Variants in NASP observed in about 807,000 individuals in gnomAD.
NASP encodes the protein nuclear autoantigenic sperm protein, also known as NASP histone chaperone.
In NASP, 24 loss-of-function variants were observed where a neutral mutation model predicts 89.5. The ratio of observed to expected loss-of-function variants is 0.27; its 90% CI spans 0.19 to 0.38. NASP has a LOEUF of 0.38. Among genes scored for constraint, NASP ranks in the 10% least tolerant of loss-of-function variants. The pLI is 1.00. For synonymous variants in NASP, 306 were observed against 324.7 expected (o/e 0.94, Z 0.62); for missense variants, 848 against 921.4 (o/e 0.92, Z 1.03).
chr1:45,602,113 A>G (rs1643862248), intron 2 of NASP, 142 bp from the exon 3 acceptor site: 1 of 959,248 alleles, frequency 1.0e-6, no homozygotes, highest in African/African-American at 1.7e-5. Flanking sequence ...TGATTTTGTG[A>G]TGGTAAATAA....
At chr1:45,586,583 C>T (rs1309709415) in intron 1 of NASP, among the ~76,000 whole-genome samples, 3 of 152,140 alleles carry the variant, frequency 2.0e-5, no homozygotes, top group Non-Finnish European at 4.4e-5. Flanking sequence ...GCCACCAAGC[C>T]TGGCTAGTAT....
Position 45,615,212 on chromosome 1 carries a change from A to T in NASP, c.1855+11A>T. 6.2e-7 allele frequency: 1 copy of T among 1,613,538 alleles called. No homozygotes were observed. The highest frequency in any genetic ancestry group is 8.5e-7 in the Non-Finnish European group (1 of 1,179,568). ...TTGAGAACAGAATGGGTGAGTGAAG[A>T]CGAGCTGCTTCATGGTGATGTTGGA... On this transcript the variant is annotated intron_variant, in intron 10 of 14. Coordinates refer to ENST00000350030, the MANE Select transcript of NASP (RefSeq NM_002482.4).
Position 45,607,646 on chromosome 1 carries a change from T to G in NASP, c.735T>G (p.Val245=), listed in dbSNP as rs137972558. 2.7e-5 allele frequency: 43 copies of G among 1,614,146 alleles called. No homozygotes were observed. The African/African-American group carries it at 4.8e-4, about 18-fold the overall frequency. The change falls in exon 6 of 15, where the codon GTT becomes GTG. Residue 245 remains valine (V), a synonymous_variant. Coordinates refer to ENST00000350030, the MANE Select transcript of NASP (RefSeq NM_002482.4). ...CAGATGCTGAGGAAGAAAAATCAGTTTCTGGAACTGATGTCCAAGAAGAGT... is the reference window on the plus strand; with the variant it reads ...CAGATGCTGAGGAAGAAAAATCAGTGTCTGGAACTGATGTCCAAGAAGAGT... The part of the protein sequence containing the change: ...EVPDAEEEKS[V]SGTDVQEECR...
intron 3 of NASP, among the ~76,000 whole-genome samples, chr1:45,603,521 A>G (rs1336772289): frequency 3.3e-5 from 5 of 151,110 alleles, no homozygotes; most frequent in African/African-American, 9.7e-5. Flanking sequence ...CTTTTGTCTG[A>G]TTCCTGTCCT....
rs1004451513 is a variant in NASP at position 45,608,010 on chromosome 1, C to T, written c.1099C>T (p.Pro367Ser). 6.2e-7 allele frequency: 1 copy of T among 1,614,030 alleles called. No individual in the cohort carries two copies. The highest frequency in any genetic ancestry group is 8.5e-7 in the Non-Finnish European group (1 of 1,179,942). The change falls in exon 6 of 15, where the codon CCT becomes TCT. Residue 367 changes from proline to serine, a missense_variant. Pro to Ser is a moderately conservative substitution (Grantham distance 74). Around this residue, in one of 5 missense-constraint regions of NASP, gnomAD observed 464 missense variants for 469.4 expected, o/e 0.99. Coordinates refer to ENST00000350030, the MANE Select transcript of NASP (RefSeq NM_002482.4). Reference sequence around the variant, plus strand: ...GGCTGGATCAGAAGTCTCTGAAAAGCCTGGGCAGGAGGCTCCAGTTCTCCC... The same window carrying T: ...GGCTGGATCAGAAGTCTCTGAAAAGTCTGGGCAGGAGGCTCCAGTTCTCCC... ...VEAGSEVSEK[P>S]GQEAPVLPKD...
At chr1:45,593,439 A>G (rs1289569629) in intron 2 of NASP, among the ~76,000 whole-genome samples, 1 of 151,502 alleles carries the variant, frequency 6.6e-6, no homozygotes, top group Admixed American at 6.6e-5. Flanking sequence ...AGGCTGAGGC[A>G]AGAGAATCAC....
chr1:45,587,687 T>TATATATATATA (rs66829841), intron 1 of NASP, among the ~76,000 whole-genome samples: 2 of 78,194 alleles, frequency 2.6e-5, no homozygotes, highest in African/African-American at 5.3e-5. Flanking sequence ...TATATATATA[T>TATATATATATA]AATTAATTTT....
intron 2 of NASP, among the ~76,000 whole-genome samples, chr1:45,596,385 C>G (rs1014976535): frequency 3.3e-5 from 5 of 152,168 alleles, no homozygotes; most frequent in Non-Finnish European, 7.3e-5. Flanking sequence ...TTCCCTAGCC[C>G]CTGGCAACCA....
intron 9 of NASP, 150 bp from the exon 10 acceptor site, chr1:45,614,863 A>G: frequency 1.4e-6 from 1 of 724,926 alleles, no homozygotes; most frequent in East Asian, 2.8e-5. Flanking sequence ...AGTCATTTTG[A>G]CTTTCTTTAT....
chr1:45,591,825 T>C (rs1643556984), intron 2 of NASP, among the ~76,000 whole-genome samples: 2 of 152,102 alleles, frequency 1.3e-5, no homozygotes, highest in African/African-American at 4.8e-5. Flanking sequence ...AGAGATTTCT[T>C]GTTTCATTTT....
rs1269115196 is a variant in NASP, at chr1:45,586,258, GTGTGTGTGTGTGTGTGTGTGTGTGTGGT to G, written c.59+2054_59+2081del. 2.2e-3 allele frequency among the ~76,000 whole-genome samples: 114 copies of G among 51,528 alleles called. 2 individuals are homozygous for G. The highest frequency in any genetic ancestry group is 5.0e-4 in the Non-Finnish European group (11 of 22,208). The allele number at this position is 51,528 out of a possible 152,430, so 33.8% of individuals were successfully genotyped here. On this transcript the variant is annotated intron_variant, in intron 1 of 14. Transcript: ENST00000350030. ...CCGTGCCGTGTGTGTGTGTGTGTGT[GTGTGTGTGTGTGTGTGTGTGTGTGTGGT>G]GTGTGTGTGTGTGTGTGTGTGTGGT... is the stretch of plus-strand genomic sequence containing the variant.
At chr1:45,591,867 C>CT (rs1319016710) in intron 2 of NASP, among the ~76,000 whole-genome samples, 1 of 152,258 alleles carries the variant, frequency 6.6e-6, no homozygotes, top group East Asian at 1.9e-4. Flanking sequence ...GTTGCCCAAG[C>CT]TGGAGTTCAG....
chr1:45,590,850 A>C (rs1200392749), intron 1 of NASP, among the ~76,000 whole-genome samples: 3 of 152,116 alleles, frequency 2.0e-5, no homozygotes, highest in Admixed American at 6.6e-5. Context: ...GGTCAGAATG[A>C]CCTCTTAATA....
rs565079725 is a variant in NASP, at chr1:45,584,833, G to A, written c.59+628G>A. ...GCAGGAGCTTTGGACTATCTCCGTG[G>A]GGCCGGCGAGGCTAGTTCCCCCCGA... is the stretch of plus-strand genomic sequence containing the variant. On this transcript the variant is annotated intron_variant, in intron 1 of 14. Transcript: ENST00000350030. Among the ~76,000 whole-genome samples the A allele has an allele frequency of 5.4e-4, 82 of 152,320 alleles. 1 individual carries two copies. The highest frequency in any genetic ancestry group is 1.9e-3 in the African/African-American group (77 of 41,580).
chr1:45,591,392 T>C, intron 2 of NASP, 122 bp downstream of exon 2: 1 of 694,878 alleles, frequency 1.4e-6, no homozygotes, highest in Non-Finnish European at 2.3e-6. Flanking sequence ...TGTCGCTTTG[T>C]TGCTCAGGCC....
chr1:45,596,926 T>C (rs571442302), intron 2 of NASP, among the ~76,000 whole-genome samples: 12 of 152,020 alleles, frequency 7.9e-5, no homozygotes, highest in African/African-American at 2.9e-4. Flanking sequence ...GAGGTTGCAG[T>C]GAGCTGAGAT....
chr1:45,584,126 G>C lies in NASP; in HGVS notation c.-21G>C. The C allele has an allele frequency of 6.3e-7, 1 of 1,580,792 alleles. No homozygotes were observed. The highest frequency in any genetic ancestry group is 8.6e-7 in the Non-Finnish European group (1 of 1,162,930). On this transcript the variant is annotated 5_prime_UTR_variant, in exon 1 of 15. Transcript: ENST00000350030. ...CTCGCAGGCTCTATTCCGTTCGCTG[G>C]TTCGCCACCTCAGGGGAACGATGGC...
chr1:45,584,245 C>G, intron 1 of NASP, 40 bp downstream of exon 1: 1 of 1,541,364 alleles, frequency 6.5e-7, no homozygotes, highest in African/African-American at 1.4e-5. Flanking sequence ...CTGGCCAGTC[C>G]GCGGGGAGGG....
intron 2 of NASP, chr1:45,594,818 C>T: frequency 2.6e-6 from 1 of 391,236 alleles, no homozygotes; most frequent in South Asian, 1.7e-5. Context: ...TTTTAGAGGA[C>T]CAGAATATTC....
Sources: gnomAD v4.1 joint callset for allele counts (sites outside exome capture counted in the v4.1 genomes callset) on GRCh38, gnomAD v4.1.1 for gene constraint, gnomAD v4.1.1 regional missense constraint, MANE v1.5 for transcripts, NCBI Gene and HGNC (gene_info 2026-07-23, HGNC 2026-07-21) for gene names.